ERBB4: variants seen among roughly 807,000 people sequenced by gnomAD.
ERBB4 encodes erb-b2 receptor tyrosine kinase 4.
A neutral mutation model predicts 158.0 loss-of-function variants in ERBB4; 42 were observed. That is an observed-to-expected ratio of 0.27 (90% CI 0.21 to 0.34). The LOEUF (loss-of-function observed/expected upper bound fraction) is 0.34, where lower values mean the gene tolerates loss of function less well. Among genes scored for constraint, ERBB4 ranks in the 10% least tolerant of loss-of-function variants. ERBB4 has a pLI of 1.00. For missense variants in ERBB4, 1,333 were observed against 1,624.1 expected (o/e 0.82, Z 3.08); for synonymous variants, 583 against 558.7 (o/e 1.04, Z -0.61).
intron 1 of ERBB4, among the ~76,000 whole-genome samples, chr2:212,207,668 A>C (rs1002396164): frequency 1.3e-5 from 2 of 152,178 alleles, no homozygotes; most frequent in African/African-American, 4.8e-5. Context: ...ATAATTATGA[A>C]CTGTGTAATC....
At chr2:212,118,032 C>T (rs1159453828) in intron 2 of ERBB4, among the ~76,000 whole-genome samples, 1 of 152,080 alleles carries the variant, frequency 6.6e-6, no homozygotes, top group African/African-American at 2.4e-5. Flanking sequence ...TGCTATGCAG[C>T]AGACAGCTTA....
rs925278640 is a variant in ERBB4, at chr2:212,332,554, T to A, written c.82+205895A>T. Reference sequence around the variant, plus strand: ...TCTAAATTTATTTTATTTGTCCTACTTTTAAAATCTATAATTAATTAATAT... The same window carrying A: ...TCTAAATTTATTTTATTTGTCCTACATTTAAAATCTATAATTAATTAATAT... On this transcript the variant is annotated intron_variant, in intron 1 of 27. Coordinates refer to ENST00000342788, the MANE Select transcript of ERBB4 (RefSeq NM_005235.3). 9.2e-5 allele frequency among the ~76,000 whole-genome samples: 14 copies of A among 152,198 alleles called. No homozygotes were observed. The East Asian group carries it at 2.1e-3, about 23-fold the overall frequency.
chr2:211,381,778 ATTAATC>A lies in ERBB4; in HGVS notation c.*1831_*1836del, dbSNP rs2062577233. The A allele has an allele frequency of 4.3e-6, 1 of 230,474 alleles. No individual in the cohort carries two copies. Among genetic ancestry groups the A allele is most frequent in the South Asian group, 1.8e-4 (1 of 5,514 alleles). 14.3% of individuals were successfully genotyped at this position (230,474 alleles called of 1,614,324 possible). ...TTAATAGATATTTTTACTCTAATTA[ATTAATC>A]TTATACTATTGATTCTAATTTGGTC... On this transcript the variant is annotated 3_prime_UTR_variant, in exon 28 of 28. Transcript: ENST00000342788.
intron 19 of ERBB4, among the ~76,000 whole-genome samples, chr2:211,595,937 A>G (rs74539015): frequency 0.022 from 3,276 of 152,260 alleles, 111 homozygotes; most frequent in African/African-American, 0.075. Context: ...GCAAAACAAG[A>G]AGAGTTAATT....
intron 3 of ERBB4, among the ~76,000 whole-genome samples, chr2:211,930,913 A>T (rs906740022): frequency 6.6e-6 from 1 of 152,174 alleles, no homozygotes; most frequent in African/African-American, 2.4e-5. Context: ...GGGAGCAATG[A>T]TTAATGACTT....
intron 3 of ERBB4, among the ~76,000 whole-genome samples, chr2:211,847,807 G>A (rs886766926): frequency 6.6e-6 from 1 of 152,024 alleles, no homozygotes; most frequent in Non-Finnish European, 1.5e-5. Context: ...TTTGTGCCAG[G>A]TTTAATATGC....
chr2:211,446,722 T>C (rs116770408), intron 20 of ERBB4, among the ~76,000 whole-genome samples: 142 of 152,204 alleles, frequency 9.3e-4, no homozygotes, highest in South Asian at 6.6e-3. Flanking sequence ...CAGATAACTT[T>C]ATAGAATCAG....
At chr2:211,933,406 C>A (rs946383879) in intron 3 of ERBB4, among the ~76,000 whole-genome samples, 7 of 151,976 alleles carry the variant, frequency 4.6e-5, no homozygotes, top group African/African-American at 1.4e-4. Context: ...CCTTTCCTTG[C>A]AAAACATACT....
chr2:211,887,256 ACAC>A (rs2078828508), intron 3 of ERBB4, among the ~76,000 whole-genome samples: 1 of 113,828 alleles, frequency 8.8e-6, no homozygotes, highest in Non-Finnish European at 1.8e-5. Flanking sequence ...AGAGGATTAC[ACAC>A]ACACACACAC....
At chr2:212,240,666 A>AAAAAAAAAAAAAC (rs2084065587) in intron 1 of ERBB4, among the ~76,000 whole-genome samples, 3 of 144,968 alleles carry the variant, frequency 2.1e-5, no homozygotes, top group Non-Finnish European at 4.5e-5. Context: ...AAAAAAAAAA[A>AAAAAAAAAAAAAC]ACAGAAAAAA....
At chr2:211,723,114 T>A (rs530473573) in intron 6 of ERBB4, among the ~76,000 whole-genome samples, 6 of 152,196 alleles carry the variant, frequency 3.9e-5, no homozygotes, top group African/African-American at 9.6e-5. Flanking sequence ...AATTAAATAA[T>A]ATGATGTCAT....
At chr2:212,256,485 T>C (rs900158392) in intron 1 of ERBB4, among the ~76,000 whole-genome samples, 1 of 152,182 alleles carries the variant, frequency 6.6e-6, no homozygotes, top group East Asian at 1.9e-4. Context: ...AAAATGGAAA[T>C]GGGAAAAATA....
At chr2:212,350,453 C>A (rs2089203870) in intron 1 of ERBB4, among the ~76,000 whole-genome samples, 1 of 152,042 alleles carries the variant, frequency 6.6e-6, no homozygotes, top group South Asian at 2.1e-4. Context: ...TTAATACTAA[C>A]ATGGAAAGAT....
At chr2:211,589,330 T>C (rs1017260413) in intron 19 of ERBB4, among the ~76,000 whole-genome samples, 1 of 152,130 alleles carries the variant, frequency 6.6e-6, no homozygotes, top group Non-Finnish European at 1.5e-5. Flanking sequence ...ATCTAGAAAA[T>C]GTATCAGCCT....
At chr2:212,180,797 G>A (rs1005635625) in intron 1 of ERBB4, among the ~76,000 whole-genome samples, 2 of 151,696 alleles carry the variant, frequency 1.3e-5, no homozygotes, top group African/African-American at 4.8e-5. Flanking sequence ...TCAACTGTAT[G>A]TTTCCTAAGA....
intron 2 of ERBB4, among the ~76,000 whole-genome samples, chr2:212,038,109 T>C (rs1364219362): frequency 6.6e-6 from 1 of 152,070 alleles, no homozygotes; most frequent in Admixed American, 6.6e-5. Flanking sequence ...TATAGAAATA[T>C]GTGATGTAAC....
At chr2:211,942,353 T>TATTA (rs1553517510) in intron 3 of ERBB4, among the ~76,000 whole-genome samples, 4 of 151,072 alleles carry the variant, frequency 2.6e-5, no homozygotes, top group Admixed American at 2.0e-4. Context: ...TTTATTTATT[T>TATTA]ATTTATTTAT....
chr2:212,071,332 C>G (rs1380789545), intron 2 of ERBB4, among the ~76,000 whole-genome samples: 3 of 148,910 alleles, frequency 2.0e-5, no homozygotes, highest in Admixed American at 6.7e-5. Context: ...AAAACCCACT[C>G]AGAAACACAG....
At chr2:211,945,261 T>G (rs544594893) in intron 3 of ERBB4, among the ~76,000 whole-genome samples, 1 of 152,192 alleles carries the variant, frequency 6.6e-6, no homozygotes, top group South Asian at 2.1e-4. Flanking sequence ...ACAAACACAA[T>G]CATGCATACA....
Sources: gnomAD v4.1 joint callset for allele counts (sites outside exome capture counted in the v4.1 genomes callset) on GRCh38, gnomAD v4.1.1 for gene constraint, MANE v1.5 for transcripts, NCBI Gene and HGNC (gene_info 2026-07-23, HGNC 2026-07-21) for gene names.